Variants in NRXN3 observed in about 807,000 individuals in gnomAD.
NRXN3 encodes neurexin III.
In NRXN3, 32 loss-of-function variants were observed where a neutral mutation model predicts 137.6. The ratio of observed to expected loss-of-function variants is 0.23; its 90% CI spans 0.18 to 0.31. NRXN3 has a LOEUF of 0.31. NRXN3 is among the 10% of genes least tolerant of loss of function. The probability of loss-of-function intolerance (pLI) is 1.00; values close to 1 mark genes in which losing one functional copy is unlikely to be tolerated. For synonymous variants in NRXN3, 798 were observed against 784.5 expected (o/e 1.02, Z -0.29); for missense variants, 1,574 against 2,062.5 (o/e 0.76, Z 4.59).
chr14:79,674,430 G>A (rs1476552827), intron 17 of NRXN3, among the ~76,000 whole-genome samples: 1 of 151,984 alleles, frequency 6.6e-6, no homozygotes, highest in Non-Finnish European at 1.5e-5. Flanking sequence ...TGGTTCCAAG[G>A]TAGAAGTATT....
intron 15 of NRXN3, among the ~76,000 whole-genome samples, chr14:79,104,326 T>C (rs954424045): frequency 1.6e-4 from 25 of 152,146 alleles, no homozygotes; most frequent in African/African-American, 5.8e-4. Context: ...CATGAATGAA[T>C]TCATAGACGA....
At chr14:78,287,982 C>A (rs1225832474) in intron 3 of NRXN3, among the ~76,000 whole-genome samples, 1 of 151,634 alleles carries the variant, frequency 6.6e-6, no homozygotes, top group African/African-American at 2.4e-5. Context: ...TCTCAGGACT[C>A]CCCCTTTTTT....
chr14:78,540,089 G>T (rs961600620), intron 4 of NRXN3, among the ~76,000 whole-genome samples: 2 of 152,094 alleles, frequency 1.3e-5, no homozygotes, highest in Admixed American at 6.6e-5. Flanking sequence ...TTCTGTTGAT[G>T]TGGGGTGGAG....
At chr14:78,494,443 A>C (rs1375554501) in intron 4 of NRXN3, among the ~76,000 whole-genome samples, 1 of 81,274 alleles carries the variant, frequency 1.2e-5, no homozygotes, top group African/African-American at 3.4e-5. Flanking sequence ...TTTTTGTCTG[A>C]TTTCCTTTTT....
chr14:78,931,593 C>T (rs1024552546), intron 10 of NRXN3, among the ~76,000 whole-genome samples: 1 of 152,000 alleles, frequency 6.6e-6, no homozygotes, highest in Non-Finnish European at 1.5e-5. Context: ...CCCTGAGAAT[C>T]ATATATTTAG....
chr14:78,211,218 A>G (rs2062710965), intron 1 of NRXN3, among the ~76,000 whole-genome samples: 1 of 152,218 alleles, frequency 6.6e-6, no homozygotes, highest in African/African-American at 2.4e-5. Flanking sequence ...GAAGAATTAG[A>G]ATTGAGATCT....
At chr14:78,445,392 G>GT in intron 4 of NRXN3, among the ~76,000 whole-genome samples, 1 of 152,220 alleles carries the variant, frequency 6.6e-6, no homozygotes. Context: ...AGCGTGTGCT[G>GT]TTTTTTGAAT....
At chr14:78,728,106 C>A (rs1025639513) in intron 8 of NRXN3, among the ~76,000 whole-genome samples, 8 of 152,226 alleles carry the variant, frequency 5.3e-5, no homozygotes, top group Non-Finnish European at 1.2e-4. Flanking sequence ...TTGATGAGAT[C>A]TGTCTATTCT....
At chr14:78,824,196 G>A (rs1283795419) in intron 10 of NRXN3, among the ~76,000 whole-genome samples, 1 of 149,524 alleles carries the variant, frequency 6.7e-6, no homozygotes, top group African/African-American at 2.5e-5. Flanking sequence ...GGTATACTGA[G>A]GCATGAATAT....
At chr14:79,339,217 C>T (rs777925405) in intron 15 of NRXN3, among the ~76,000 whole-genome samples, 9 of 152,302 alleles carry the variant, frequency 5.9e-5, no homozygotes, top group African/African-American at 1.2e-4. Flanking sequence ...TTCACCTAAA[C>T]GTTTCATTTA....
At chr14:78,714,391 G>C (rs1321231869) in intron 7 of NRXN3, among the ~76,000 whole-genome samples, 1 of 152,208 alleles carries the variant, frequency 6.6e-6, no homozygotes, top group East Asian at 1.9e-4. Flanking sequence ...ACAGGAAGGT[G>C]AAGTCACTTC....
chr14:78,249,372 T>C, intron 2 of NRXN3, among the ~76,000 whole-genome samples: 1 of 152,240 alleles, frequency 6.6e-6, no homozygotes, highest in East Asian at 1.9e-4. Flanking sequence ...TGCCGGGGGC[T>C]AATTATTTTC....
At chr14:78,495,138 C>CGTGTGTGT (rs3036593) in intron 4 of NRXN3, among the ~76,000 whole-genome samples, 16 of 140,310 alleles carry the variant, frequency 1.1e-4, no homozygotes, top group East Asian at 6.3e-4. Context: ...TGTGTGCGTG[C>CGTGTGTGT]GTGTGTGTGT....
At chr14:78,240,387 C>A (rs1448312291) in intron 1 of NRXN3, among the ~76,000 whole-genome samples, 2 of 152,332 alleles carry the variant, frequency 1.3e-5, no homozygotes, top group African/African-American at 4.8e-5. Context: ...AACATATAAG[C>A]CCCTGGCTGG....
intron 17 of NRXN3, among the ~76,000 whole-genome samples, chr14:79,672,789 G>A (rs1010495024): frequency 9.2e-5 from 14 of 151,974 alleles, no homozygotes; most frequent in East Asian, 1.9e-4. Flanking sequence ...AACACCAAGT[G>A]TCCTACCACC....
At chr14:79,556,575 G>A (rs2097431783) in intron 16 of NRXN3, among the ~76,000 whole-genome samples, 1 of 151,900 alleles carries the variant, frequency 6.6e-6, no homozygotes, top group African/African-American at 2.4e-5. Flanking sequence ...ATTTTTTGGA[G>A]GACAGGGTCT....
intron 8 of NRXN3, among the ~76,000 whole-genome samples, chr14:78,740,530 TTC>T (rs1487347208): frequency 7.0e-6 from 1 of 142,694 alleles, no homozygotes; most frequent in African/African-American, 2.4e-5. Flanking sequence ...AATTTTTTTC[TTC>T]TCTTTTCTTT....
intron 1 of NRXN3, among the ~76,000 whole-genome samples, chr14:78,196,909 G>A (rs140784600): frequency 6.6e-6 from 1 of 152,198 alleles, no homozygotes; most frequent in Non-Finnish European, 1.5e-5. Flanking sequence ...CCTAGCTCAA[G>A]CTGGGAATAT....
At chr14:78,473,600 C>T (rs182090974) in intron 4 of NRXN3, among the ~76,000 whole-genome samples, 11 of 152,020 alleles carry the variant, frequency 7.2e-5, no homozygotes, top group African/African-American at 2.4e-4. Context: ...AGCAAATCAC[C>T]ATGAAACTTA....
Sources: gnomAD v4.1 joint callset for allele counts (sites outside exome capture counted in the v4.1 genomes callset) on GRCh38, gnomAD v4.1.1 for gene constraint, MANE v1.5 for transcripts, NCBI Gene and HGNC (gene_info 2026-07-23, HGNC 2026-07-21) for gene names.